LRRC4C: variants seen among roughly 807,000 people sequenced by gnomAD.
The protein encoded by LRRC4C is leucine rich repeat containing 4C.
In LRRC4C, 5 loss-of-function variants were observed where a neutral mutation model predicts 33.6. The observed-to-expected ratio is 0.15, with a 90% CI of 0.08 to 0.31. The LOEUF (loss-of-function observed/expected upper bound fraction) is 0.31, where lower values mean the gene tolerates loss of function less well. Ranked by LOEUF, LRRC4C falls within the 10% of genes least tolerant of loss-of-function variation. LRRC4C has a pLI of 1.00. For synonymous variants in LRRC4C, 329 were observed against 302.0 expected, an observed-to-expected ratio of 1.09 and a Z score of -0.93; for missense variants, 560 against 796.7, an observed-to-expected ratio of 0.70 and a Z score of 3.58.
At chr11:40,687,460 A>G (rs1288958314) in intron 2 of LRRC4C, among the ~76,000 whole-genome samples, 1 of 151,994 alleles carries the variant, frequency 6.6e-6, no homozygotes. Flanking sequence ...TCTGATGGTC[A>G]TGATCATATT....
chr11:41,213,039 C>G (rs1194791708), intron 1 of LRRC4C, among the ~76,000 whole-genome samples: 1 of 152,096 alleles, frequency 6.6e-6, no homozygotes, highest in African/African-American at 2.4e-5. Flanking sequence ...AAGTTTGCCT[C>G]CTATGATTTT....
At chr11:40,739,404 C>A (rs981237704) in intron 2 of LRRC4C, among the ~76,000 whole-genome samples, 2 of 151,792 alleles carry the variant, frequency 1.3e-5, no homozygotes, top group African/African-American at 4.8e-5. Flanking sequence ...CTTTTTGAAG[C>A]CTGAATACTC....
At chr11:40,759,030 AC>A (rs1565023606) in intron 2 of LRRC4C, among the ~76,000 whole-genome samples, 1 of 149,614 alleles carries the variant, frequency 6.7e-6, no homozygotes, top group Non-Finnish European at 1.5e-5. Context: ...TTCAAGTAGC[AC>A]CCTGTTAGTT....
chr11:40,217,544 C>A (rs1394216195), intron 5 of LRRC4C, among the ~76,000 whole-genome samples: 1 of 152,188 alleles, frequency 6.6e-6, no homozygotes, highest in East Asian at 1.9e-4. Flanking sequence ...ACCATGAAAG[C>A]ATTACTCATG....
At chr11:40,944,148 A>G (rs1222073318) in intron 1 of LRRC4C, among the ~76,000 whole-genome samples, 1 of 152,296 alleles carries the variant, frequency 6.6e-6, no homozygotes, top group African/African-American at 2.4e-5. Context: ...TCAGAAGACA[A>G]TTTGATCAAT....
chr11:40,217,756 C>G (rs1043777174), intron 5 of LRRC4C, among the ~76,000 whole-genome samples: 1 of 152,060 alleles, frequency 6.6e-6, no homozygotes, highest in African/African-American at 2.4e-5. Context: ...ATTAATAGTG[C>G]CTTTTCTCAT....
At position 40,454,066 on chromosome 11, in the gene LRRC4C, A is replaced by G. The variant is rs915035891; in HGVS notation, c.-269-134345T>C. Among the ~76,000 whole-genome samples the G allele has an allele frequency of 5.9e-5, 9 of 152,242 alleles. No homozygotes were observed. In the East Asian group the frequency reaches 1.5e-3, roughly 26 times the overall value. ...AAAGGGGATCCATGAGATTTCCTGCATCTTCTATCTTTAACACTTTATTCT... is the reference window on the plus strand; with the variant it reads ...AAAGGGGATCCATGAGATTTCCTGCGTCTTCTATCTTTAACACTTTATTCT... On this transcript the variant is annotated intron_variant, in intron 3 of 6. Transcript: ENST00000528697.
At chr11:40,657,119 A>G (rs548119628) in intron 2 of LRRC4C, among the ~76,000 whole-genome samples, 1 of 152,310 alleles carries the variant, frequency 6.6e-6, no homozygotes, top group South Asian at 2.1e-4. Flanking sequence ...TCTGCCGCGA[A>G]TGAATCATTG....
chr11:41,261,117 T>C (rs1461332136), intron 1 of LRRC4C, among the ~76,000 whole-genome samples: 1 of 152,080 alleles, frequency 6.6e-6, no homozygotes, highest in African/African-American at 2.4e-5. Flanking sequence ...ACATAGGGCC[T>C]TTAGGTGGTG....
chr11:41,403,089 G>A (rs1591440068), intron 1 of LRRC4C, among the ~76,000 whole-genome samples: 1 of 152,046 alleles, frequency 6.6e-6, no homozygotes, highest in East Asian at 1.9e-4. Flanking sequence ...GAACAAGAGT[G>A]CTGAAAACTA....
intron 1 of LRRC4C, among the ~76,000 whole-genome samples, chr11:41,376,883 A>G (rs907563377): frequency 1.3e-5 from 2 of 152,164 alleles, no homozygotes; most frequent in Admixed American, 6.5e-5. Context: ...TAGATGATAG[A>G]CAAACAATTG....
chr11:40,435,671 G>A (rs1951112370), intron 3 of LRRC4C, among the ~76,000 whole-genome samples: 1 of 152,108 alleles, frequency 6.6e-6, no homozygotes, highest in African/African-American at 2.4e-5. Flanking sequence ...GATTACCCTG[G>A]CTGCTTAGTG....
At chr11:40,374,341 A>G (rs774698266) in intron 3 of LRRC4C, among the ~76,000 whole-genome samples, 1 of 152,158 alleles carries the variant, frequency 6.6e-6, no homozygotes, top group Non-Finnish European at 1.5e-5. Flanking sequence ...TTAATTCCCT[A>G]ATCTGTATCA....
chr11:40,378,058 C>A (rs1241158450), intron 3 of LRRC4C, among the ~76,000 whole-genome samples: 1 of 151,944 alleles, frequency 6.6e-6, no homozygotes, highest in Non-Finnish European at 1.5e-5. Flanking sequence ...CAGTAAATAG[C>A]AAAGATGAAC....
chr11:40,976,256 G>A (rs1301982695), intron 1 of LRRC4C, among the ~76,000 whole-genome samples: 1 of 152,182 alleles, frequency 6.6e-6, no homozygotes, highest in Non-Finnish European at 1.5e-5. Context: ...ACTTAGCAAT[G>A]CTGTGCATGC....
At chr11:40,939,822 C>T (rs908865901) in intron 1 of LRRC4C, among the ~76,000 whole-genome samples, 1 of 152,122 alleles carries the variant, frequency 6.6e-6, no homozygotes, top group African/African-American at 2.4e-5. Flanking sequence ...AACTCAGCTT[C>T]CTTTGTTCAA....
At chr11:40,406,297 T>G (rs953046930) in intron 3 of LRRC4C, among the ~76,000 whole-genome samples, 1 of 152,174 alleles carries the variant, frequency 6.6e-6, no homozygotes, top group Non-Finnish European at 1.5e-5. Flanking sequence ...TAAAGACTTC[T>G]GTGCTGTCCT....
chr11:40,371,304 A>G (rs553809529), intron 3 of LRRC4C, among the ~76,000 whole-genome samples: 28 of 152,250 alleles, frequency 1.8e-4, no homozygotes, highest in South Asian at 1.0e-3. Flanking sequence ...GCTGGGTATA[A>G]TATATGCTTT....
intron 1 of LRRC4C, among the ~76,000 whole-genome samples, chr11:41,362,583 A>G (rs901342517): frequency 1.3e-5 from 2 of 151,976 alleles, no homozygotes; most frequent in Admixed American, 1.3e-4. Context: ...TTTATGAGTG[A>G]TATATTAGTT....
Sources: gnomAD v4.1 joint callset for allele counts (sites outside exome capture counted in the v4.1 genomes callset) on GRCh38, gnomAD v4.1.1 for gene constraint, MANE v1.5 for transcripts, NCBI Gene and HGNC (gene_info 2026-07-23, HGNC 2026-07-21) for gene names.